The following PAX2 variants were observed in gnomAD, a reference collection of about 807,000 sequenced individuals.
PAX2 encodes paired box protein Pax-2.
PAX2 carries 9 observed loss-of-function variants against 41.7 expected under a neutral mutation model. The ratio of observed to expected loss-of-function variants is 0.22; its 90% CI spans 0.13 to 0.38. PAX2 has a LOEUF of 0.38. PAX2 is among the 10% of genes least tolerant of loss of function. The pLI is 1.00. For missense variants in PAX2, 418 were observed against 531.6 expected (o/e 0.79, Z 2.10); for synonymous variants, 221 against 212.7 (o/e 1.04, Z -0.34).
chr10:100,825,059 T>C (rs1848503374), intron 8 of PAX2: 1 of 1,180,920 alleles, frequency 8.5e-7, no homozygotes, highest in Non-Finnish European at 1.3e-6. Context: ...AGCTCCACCC[T>C]CAGTGCCCAG....
intron 2 of PAX2, 47 bp downstream of exon 2, chr10:100,749,961 G>A (rs756459620): frequency 5.0e-6 from 8 of 1,592,682 alleles, no homozygotes; most frequent in Admixed American, 3.5e-5. Flanking sequence ...CTACTTCCCC[G>A]GCCAGCCCTG....
chr10:100,737,469 T>A (rs556022866), intron 1 of PAX2, among the ~76,000 whole-genome samples: 1 of 152,258 alleles, frequency 6.6e-6, no homozygotes, highest in Non-Finnish European at 1.5e-5. Context: ...CCGCACTTCC[T>A]TTCCCTTCCC....
At chr10:100,819,148 T>G (rs1012738740) in intron 7 of PAX2, among the ~76,000 whole-genome samples, 1 of 151,500 alleles carries the variant, frequency 6.6e-6, no homozygotes, top group African/African-American at 2.4e-5. Flanking sequence ...CTCGTGAGGC[T>G]GAGGCAGGAG....
At chr10:100,805,007 C>G (rs1309308695) in intron 5 of PAX2, among the ~76,000 whole-genome samples, 3 of 131,240 alleles carry the variant, frequency 2.3e-5, no homozygotes, top group Non-Finnish European at 4.7e-5. Context: ...CCTTCTCTCT[C>G]TCTCTCTCTC....
Position 100,827,850 on chromosome 10 carries a change from C to T in PAX2, c.*231C>T, listed in dbSNP as rs1360374706. ...ACCCTCAGGCCCGGGCCCGCCGCCC[C>T]CAGCCCCGCCTGCCGCCCCTCCCCG... On this transcript the variant is annotated 3_prime_UTR_variant, in exon 10 of 10. Coordinates refer to ENST00000355243, the MANE Select transcript of PAX2 (RefSeq NM_000278.5). This position sits in a 1 kb window ranked among gnomAD's most constrained non-coding sequence, Gnocchi z 8.5. 5.0e-6 allele frequency: 3 copies of T among 599,972 alleles called. No individual in the cohort carries two copies. Among genetic ancestry groups the T allele is most frequent in the Admixed American group, 6.3e-5 (2 of 31,802 alleles). 37.2% of individuals were successfully genotyped at this position (599,972 alleles called of 1,614,324 possible).
intron 1 of PAX2, among the ~76,000 whole-genome samples, chr10:100,737,834 C>T (rs995342940): frequency 6.6e-6 from 1 of 152,202 alleles, no homozygotes; most frequent in African/African-American, 2.4e-5. Context: ...ACGTGCCTGC[C>T]GGACGTCCTG....
intron 4 of PAX2, 107 bp downstream of exon 4, chr10:100,779,690 A>ACCTATTTG: frequency 1.2e-6 from 1 of 840,656 alleles, no homozygotes; most frequent in East Asian, 2.7e-5. Flanking sequence ...CCAGAGCCCA[A>ACCTATTTG]CCTATTTGCC....
Position 100,738,933 on chromosome 10 carries a change from T to TG in PAX2, c.25+3204dup, listed in dbSNP as rs1049203081. The stretch of plus-strand genomic sequence containing the variant: ...TGGAGGGCAGAGGCTGGCAGTCGCC[T>TG]GGGGCAGGGGTCTCACCCTACAGAG... On this transcript the variant is annotated intron_variant, in intron 1 of 9. Transcript: ENST00000679374. Among the ~76,000 whole-genome samples, 10 of 152,062 alleles carry TG rather than the reference T, an allele frequency of 6.6e-5. No homozygotes were observed. In the South Asian group the frequency reaches 1.9e-3, roughly 28 times the overall value.
intron 3 of PAX2, among the ~76,000 whole-genome samples, chr10:100,763,868 G>C (rs987472155): frequency 5.9e-5 from 9 of 152,190 alleles, no homozygotes; most frequent in Non-Finnish European, 1.3e-4. Flanking sequence ...ACTGGCTAGA[G>C]GGTACTGGGT....
chr10:100,777,398 C>CTTTTTTTTTTTT (rs56136871), intron 3 of PAX2, among the ~76,000 whole-genome samples: 11,996 of 119,480 alleles, frequency 0.1, 1,007 homozygotes, highest in Non-Finnish European at 0.14. Context: ...CGCATCTGGC[C>CTTTTTTTTTTTT]TTTTTTTTTT....
intron 3 of PAX2, among the ~76,000 whole-genome samples, chr10:100,760,475 A>G (rs1423085025): frequency 6.6e-6 from 1 of 152,148 alleles, no homozygotes; most frequent in Non-Finnish European, 1.5e-5. Flanking sequence ...TGCATGCACA[A>G]GTTTGGGGAT....
At chr10:100,753,833 G>C (rs1845535316) in intron 3 of PAX2, among the ~76,000 whole-genome samples, 1 of 152,172 alleles carries the variant, frequency 6.6e-6, no homozygotes, top group South Asian at 2.1e-4. Flanking sequence ...TAAAGGCCTG[G>C]CCATCCAGCC....
intron 5 of PAX2, chr10:100,786,866 T>C (rs1464530034): frequency 2.3e-6 from 2 of 857,366 alleles, no homozygotes; most frequent in Middle Eastern, 2.6e-4. Flanking sequence ...CTCCCGATCT[T>C]GGGATCCTGC....
chr10:100,809,011 T>TCTGCACACCGGGCTCCC, intron 6 of PAX2, 99 bp from the exon 7 acceptor site: 1 of 1,123,396 alleles, frequency 8.9e-7, no homozygotes. Flanking sequence ...TTCTACCCCA[T>TCTGCACACCGGGCTCCC]CTGGGCGGGC....
chr10:100,787,026 G>A, intron 5 of PAX2: 1 of 1,363,256 alleles, frequency 7.3e-7, no homozygotes, highest in African/African-American at 1.5e-5. Flanking sequence ...GAGGGCCAGA[G>A]GGAACATGGC....
intron 1 of PAX2, chr10:100,747,480 C>CTT (rs200392872): frequency 8.8e-5 from 26 of 294,186 alleles, no homozygotes; most frequent in South Asian, 1.4e-4. Flanking sequence ...TTTTTGCAGG[C>CTT]TTTTTTTTTT....
At chr10:100,786,057 C>T (rs1195728014) in intron 5 of PAX2, among the ~76,000 whole-genome samples, 1 of 152,178 alleles carries the variant, frequency 6.6e-6, no homozygotes, top group Non-Finnish European at 1.5e-5. Context: ...GAAAGAAAGC[C>T]TAATTGGCAG....
chr10:100,826,968 G>T lies in PAX2; in HGVS notation c.1022-41G>T. Reference sequence around the variant, plus strand: ...GGCCGGACTCGTGGGGTCCGCCCTGGCTTGCAGGCGTCTGATCCCCACTCC... The same window carrying T: ...GGCCGGACTCGTGGGGTCCGCCCTGTCTTGCAGGCGTCTGATCCCCACTCC... On this transcript the variant is annotated intron_variant, in intron 8 of 9. Coordinates refer to ENST00000355243, the MANE Select transcript of PAX2 (RefSeq NM_000278.5). The surrounding 1 kb of genome is among the most constrained non-coding windows in gnomAD (Gnocchi z 5.5). 7.1e-7 allele frequency: 1 copy of T among 1,414,948 alleles called. No homozygotes were observed. 87.6% of individuals were successfully genotyped at this position (1,414,948 alleles called of 1,614,324 possible). A position where few individuals can be genotyped will look rare whatever the true frequency, so the allele number is the denominator to read the frequency against.
rs867262439 is a variant in PAX2 at position 100,748,086 on chromosome 10, C to A, written c.44-1660C>A. 138 of 985,070 alleles carry A rather than the reference C, an allele frequency of 1.4e-4. No individual in the cohort carries two copies. The African/African-American group carries it at 1.9e-3, about 14-fold the overall frequency. 61.0% of individuals were successfully genotyped at this position (985,070 alleles called of 1,614,324 possible). On this transcript the variant is annotated intron_variant, in intron 1 of 9. Transcript: ENST00000355243. The surrounding 1 kb of genome is among the most constrained non-coding windows in gnomAD (Gnocchi z 5.0). ...GGCGCATTCCAGGCCCGACTCAGCGCCGACTCGCTGCAGTCCCCCAGCCCT... is the reference window on the plus strand; with the variant it reads ...GGCGCATTCCAGGCCCGACTCAGCGACGACTCGCTGCAGTCCCCCAGCCCT...
Sources: allele counts gnomAD v4.1 joint callset (sites outside exome capture counted in the v4.1 genomes callset), GRCh38; gene constraint gnomAD v4.1.1; non-coding constraint Gnocchi (gnomAD v3.1); transcripts MANE v1.5; gene names NCBI Gene and HGNC (gene_info 2026-07-23, HGNC 2026-07-21).